The following CELSR2 variants were observed in gnomAD, a reference collection of about 807,000 sequenced individuals.
CELSR2 encodes the protein cadherin EGF LAG seven-pass G-type receptor 2.
A neutral mutation model predicts 251.6 loss-of-function variants in CELSR2; 81 were observed. The ratio of observed to expected loss-of-function variants is 0.32; its 90% CI spans 0.27 to 0.39. CELSR2 has a LOEUF of 0.39. CELSR2 is among the 10% of genes least tolerant of loss of function. The pLI, the probability that CELSR2 is intolerant of heterozygous loss-of-function variation, is 1.00. For synonymous variants in CELSR2, 1,721 were observed against 1,670.5 expected (o/e 1.03, Z -0.74); for missense variants, 3,365 against 3,947.7 (o/e 0.85, Z 3.96).
intron 1 of CELSR2, among the ~76,000 whole-genome samples, chr1:109,255,415 C>T (rs572663440): frequency 5.3e-5 from 8 of 152,222 alleles, no homozygotes; most frequent in Non-Finnish European, 7.3e-5. Flanking sequence ...CCTCCACTCT[C>T]TTCCCTATGG....
Position 109,249,906 on chromosome 1 carries a change from G to T in CELSR2, c.-174G>T. The stretch of plus-strand genomic sequence containing the variant: ...GGGCAGTGGGAGCCCGGGCTCGTCG[G>T]AGGGTGCAGCGCGGGGTCCCGCCGA... On this transcript the variant is annotated 5_prime_UTR_variant, in exon 1 of 34. Coordinates refer to ENST00000271332, the MANE Select transcript of CELSR2 (RefSeq NM_001408.3). 2.1e-6 allele frequency: 1 copy of T among 469,958 alleles called. No individual in the cohort carries two copies. The highest frequency in any genetic ancestry group is 5.2e-5 in the Admixed American group (1 of 19,232). The allele number at this position is 469,958 out of a possible 1,614,324, so 29.1% of individuals were successfully genotyped here.
intron 1 of CELSR2, among the ~76,000 whole-genome samples, chr1:109,255,440 G>A (rs11587316): frequency 0.026 from 3,927 of 152,276 alleles, 94 homozygotes; most frequent in Middle Eastern, 0.044. Flanking sequence ...AGCTGCCCCA[G>A]CCTGGGCCGA....
rs1001963358 is a variant in CELSR2 at position 109,250,490 on chromosome 1, C to T, written c.411C>T (p.Cys137=). ...TCACACTGCCCGAGGAGCACCCGTG[C>T]TTAAAGGCTCCACGGCTCAGATGCC... ...GKLTLPEEHP[C]LKAPRLRCQS... Residue 137 remains cysteine, a synonymous_variant, in exon 1 of 34, where the codon TGC becomes TGT. Coordinates refer to ENST00000271332, the MANE Select transcript of CELSR2 (RefSeq NM_001408.3). This position sits in a 1 kb window ranked among gnomAD's most constrained non-coding sequence, Gnocchi z 4.4. 1 of 1,613,694 alleles carries T rather than the reference C, an allele frequency of 6.2e-7. No homozygotes were observed. The highest frequency in any genetic ancestry group is 1.3e-5 in the African/African-American group (1 of 74,944).
At chr1:109,260,723 A>G (rs1011373813) in intron 2 of CELSR2, among the ~76,000 whole-genome samples, 4 of 152,094 alleles carry the variant, frequency 2.6e-5, no homozygotes, top group African/African-American at 9.7e-5. Flanking sequence ...CCTTACAACC[A>G]AGTGTCCCAG....
chr1:109,256,255 G>C (rs143612273), intron 1 of CELSR2, among the ~76,000 whole-genome samples: 2 of 152,184 alleles, frequency 1.3e-5, no homozygotes, highest in African/African-American at 4.8e-5. Context: ...CAGGTTAGAA[G>C]ACTCAGAGGA....
At chr1:109,271,320 G>A (rs772434467) in intron 26 of CELSR2, 24 bp downstream of exon 26, 3 of 1,613,788 alleles carry the variant, frequency 1.9e-6, no homozygotes, top group Middle Eastern at 1.6e-4. Flanking sequence ...TGGGGTGCCT[G>A]GGCCATGGGC....
chr1:109,272,890 A>G lies in CELSR2; in HGVS notation c.8201A>G (p.Tyr2734Cys), dbSNP rs758042924. The change falls in exon 31 of 34, where the codon TAT becomes TGT. Residue 2734 changes from tyrosine (Y) to cysteine (C), a missense_variant. Coordinates refer to ENST00000271332, the MANE Select transcript of CELSR2 (RefSeq NM_001408.3). The part of the protein sequence containing the change: ...LSLEDDQSGS[Y>C]ASTHSSDSEE... ...TTAGAAGACGACCAGAGTGGCTCCT[A>G]TGCCTCTACCCACTCATCAGACAGT... The G allele has an allele frequency of 2.5e-6, 4 of 1,613,846 alleles. No homozygotes were observed. Among genetic ancestry groups the G allele is most frequent in the Admixed American group, 1.7e-5 (1 of 59,990 alleles).
chr1:109,274,165 G>A lies in CELSR2; in HGVS notation c.*116G>A, dbSNP rs557127501. 87 of 1,598,558 alleles carry A rather than the reference G, an allele frequency of 5.4e-5. 1 individual carries two copies. Among genetic ancestry groups the A allele is most frequent in the East Asian group, 3.6e-4 (16 of 44,610 alleles). On this transcript the variant is annotated 3_prime_UTR_variant, in exon 34 of 34. Coordinates refer to ENST00000271332, the MANE Select transcript of CELSR2 (RefSeq NM_001408.3). ...CTCCCCATCGCCTGCCCGCAGCAGCGACGAAACGTCCATCTGAGGAGCCTG... is the reference window on the plus strand; with the variant it reads ...CTCCCCATCGCCTGCCCGCAGCAGCAACGAAACGTCCATCTGAGGAGCCTG...
At chr1:109,260,061 C>T (rs1178994745) in intron 2 of CELSR2, among the ~76,000 whole-genome samples, 3 of 151,680 alleles carry the variant, frequency 2.0e-5, no homozygotes, top group African/African-American at 7.3e-5. Context: ...GCTGCATCTT[C>T]CTGCCCAGAA....
At position 109,258,659 on chromosome 1, in the gene CELSR2, A is replaced by G. The variant is rs1655930380; in HGVS notation, c.3538A>G (p.Ile1180Val). 7 of 1,548,414 alleles carry G rather than the reference A, an allele frequency of 4.5e-6. No homozygotes were observed. The highest frequency in any genetic ancestry group is 6.1e-6 in the Non-Finnish European group (7 of 1,145,122). ...QRDTDAPGGH[I>V]LNVSLSVGQP... Reference sequence around the variant, plus strand: ...GGACACCGACGCCCCCGGGGGCCACATCCTCAACGTGAGCCTGTCGGTGGG... The same window carrying G: ...GGACACCGACGCCCCCGGGGGCCACGTCCTCAACGTGAGCCTGTCGGTGGG... Residue 1180 changes from isoleucine to valine, a missense_variant, in exon 2 of 34, where the codon ATC becomes GTC. This residue lies in a region of CELSR2 where 2,093 missense variants were observed against 2,382.8 expected (regional missense o/e 0.88). Transcript: ENST00000271332.
At chr1:109,258,008 C>A (rs1488620466) in intron 1 of CELSR2, among the ~76,000 whole-genome samples, 1 of 152,152 alleles carries the variant, frequency 6.6e-6, no homozygotes, top group Non-Finnish European at 1.5e-5. Context: ...GTGGGGAACA[C>A]AGCCATGGTT....
chr1:109,258,085 A>G (rs1655909812), intron 1 of CELSR2, among the ~76,000 whole-genome samples: 4 of 152,104 alleles, frequency 2.6e-5, no homozygotes, highest in Admixed American at 2.6e-4. Context: ...GGGTCTCAGG[A>G]TGCTCTGGGC....
In CELSR2 at chr1:109,258,874, C is replaced by T. The variant is rs775157484; in HGVS notation, c.3753C>T (p.Ser1251=). 3.8e-5 allele frequency: 62 copies of T among 1,612,296 alleles called. No individual in the cohort carries two copies. Among genetic ancestry groups the T allele is most frequent in the Non-Finnish European group, 4.8e-5 (57 of 1,179,390 alleles). Residue 1251 remains serine (S), a synonymous_variant, in exon 2 of 34, where the codon TCC becomes TCT. Coordinates refer to ENST00000271332, the MANE Select transcript of CELSR2 (RefSeq NM_001408.3). ...GCGTGTCGGTGCTGCGCTTCGACTC[C>T]TCCGCGCCCTTCATCGCCTCCTCCT... ...MRCVSVLRFD[S]SAPFIASSSV...
In CELSR2 at chr1:109,251,569, A is replaced by T. The variant is rs1655689925; in HGVS notation, c.1490A>T (p.Asp497Val). ...VSGLVTVQVL[D>V]INDNAPIFVS... Reference sequence around the variant, plus strand: ...GGCTTGGTGACAGTACAGGTCCTGGATATCAACGACAATGCCCCCATCTTC... The same window carrying T: ...GGCTTGGTGACAGTACAGGTCCTGGTTATCAACGACAATGCCCCCATCTTC... The change falls in exon 1 of 34, where the codon GAT becomes GTT. Residue 497 changes from aspartate to valine, a missense_variant. By Grantham distance (152) the Asp-to-Val change is radical. This residue lies in a region of CELSR2 where 704 missense variants were observed against 784.1 expected (regional missense o/e 0.90). Coordinates refer to ENST00000271332, the MANE Select transcript of CELSR2 (RefSeq NM_001408.3). This position sits in a 1 kb window ranked among gnomAD's most constrained non-coding sequence, Gnocchi z 4.9. The T allele has an allele frequency of 6.2e-7, 1 of 1,613,664 alleles. No individual in the cohort carries two copies. The highest frequency in any genetic ancestry group is 1.1e-5 in the South Asian group (1 of 91,082).
At chr1:109,268,480 TG>T in intron 17 of CELSR2, 100 bp from the exon 18 acceptor site, 1 of 1,419,148 alleles carries the variant, frequency 7.0e-7, no homozygotes, top group Non-Finnish European at 9.4e-7. Flanking sequence ...GGGAGGGGCC[TG>T]GTGGGGAGCA....
At chr1:109,256,978 C>T (rs548746544) in intron 1 of CELSR2, among the ~76,000 whole-genome samples, 5 of 152,282 alleles carry the variant, frequency 3.3e-5, no homozygotes, top group African/African-American at 7.2e-5. Flanking sequence ...TTTTAAAGTC[C>T]GTTTATTCTT....
chr1:109,272,421 G>A lies in CELSR2; in HGVS notation c.8054+16G>A, dbSNP rs747412782. ...TCTTGCTGAGGTGAATCCCGGAGAT[G>A]GGAGGGTGGAGGAGGGGAGGAGGGG... On this transcript the variant is annotated intron_variant, in intron 29 of 33. Transcript: ENST00000271332. 1.2e-6 allele frequency: 2 copies of A among 1,600,348 alleles called. No individual in the cohort carries two copies. Among genetic ancestry groups the A allele is most frequent in the South Asian group, 2.2e-5 (2 of 89,812 alleles).
At chr1:109,254,460 G>A (rs1312819432) in intron 1 of CELSR2, among the ~76,000 whole-genome samples, 1 of 152,164 alleles carries the variant, frequency 6.6e-6, no homozygotes, top group Non-Finnish European at 1.5e-5. Context: ...TATCAGCTGT[G>A]GGGAGCCAGA....
intron 2 of CELSR2, among the ~76,000 whole-genome samples, chr1:109,260,107 G>A (rs1398866901): frequency 1.3e-5 from 2 of 150,870 alleles, no homozygotes; most frequent in African/African-American, 4.9e-5. Context: ...TGCTGCTAGG[G>A]GTGGGGGGAA....
Sources: allele counts gnomAD v4.1 joint callset (sites outside exome capture counted in the v4.1 genomes callset), GRCh38; gene constraint gnomAD v4.1.1; regional missense constraint gnomAD v4.1.1; non-coding constraint Gnocchi (gnomAD v3.1); transcripts MANE v1.5; gene names NCBI Gene and HGNC (gene_info 2026-07-23, HGNC 2026-07-21).